The following OR2L3 variants were observed in gnomAD, a reference collection of about 807,000 sequenced individuals.
The protein encoded by OR2L3 is olfactory receptor 2L3.
For synonymous variants in OR2L3, 131 were observed against 139.1 expected, an observed-to-expected ratio of 0.94 and a Z score of 0.41; for missense variants, 369 against 376.6, an observed-to-expected ratio of 0.98 and a Z score of 0.17.
intron 1 of OR2L3, among the ~76,000 whole-genome samples, chr1:248,047,589 T>G (rs2103106327): frequency 6.6e-6 from 1 of 152,314 alleles, no homozygotes; most frequent in South Asian, 2.1e-4. Context: ...ATCCAAATTG[T>G]AGTGTTTTGT....
intron 1 of OR2L3, among the ~76,000 whole-genome samples, chr1:248,049,739 T>C (rs1446212411): frequency 6.6e-6 from 1 of 152,176 alleles, no homozygotes; most frequent in Non-Finnish European, 1.5e-5. Flanking sequence ...GTTTTAATAA[T>C]TTTTTTCTAT....
At chr1:248,056,237 A>G (rs1663429668) in intron 1 of OR2L3, among the ~76,000 whole-genome samples, 1 of 151,986 alleles carries the variant, frequency 6.6e-6, no homozygotes, top group Non-Finnish European at 1.5e-5. Flanking sequence ...TTAGTTACAT[A>G]TGTATACATG....
chr1:248,051,549 T>A (rs1344695181), intron 1 of OR2L3, among the ~76,000 whole-genome samples: 1 of 152,076 alleles, frequency 6.6e-6, no homozygotes, highest in East Asian at 1.9e-4. Context: ...CACATGGACA[T>A]AAAGATGGGA....
rs772884502 is a variant in OR2L3 at position 248,060,672 on chromosome 1, C to G, written c.-10C>G. Reference sequence around the variant, plus strand: ...GTGTCTCCCTTCAGGAAAGAGCACACGAATGCCCCATGGAAAATTACAATC... The same window carrying G: ...GTGTCTCCCTTCAGGAAAGAGCACAGGAATGCCCCATGGAAAATTACAATC... On this transcript the variant is annotated 5_prime_UTR_variant, in exon 2 of 2. Coordinates refer to ENST00000359959, the MANE Select transcript of OR2L3 (RefSeq NM_001004687.2). The G allele has an allele frequency of 3.1e-6, 5 of 1,601,956 alleles. No individual in the cohort carries two copies. The highest frequency in any genetic ancestry group is 4.3e-6 in the Non-Finnish European group (5 of 1,171,744).
chr1:248,061,636 A>G lies in OR2L3; in HGVS notation c.*16A>G, dbSNP rs777478674. 3 of 1,600,950 alleles carry G rather than the reference A, an allele frequency of 1.9e-6. No individual in the cohort carries two copies. Among genetic ancestry groups the G allele is most frequent in the Non-Finnish European group, 2.6e-6 (3 of 1,172,764 alleles). On this transcript the variant is annotated 3_prime_UTR_variant, in exon 2 of 2. Coordinates refer to ENST00000359959, the MANE Select transcript of OR2L3 (RefSeq NM_001004687.2). Reference sequence around the variant, plus strand: ...GAAAATGTAGAAACATTTTCTACCTAAGGTCTCAGGACTCAGATACACATC... The same window carrying G: ...GAAAATGTAGAAACATTTTCTACCTGAGGTCTCAGGACTCAGATACACATC...
At chr1:248,058,635 T>G (rs1265421934) in intron 1 of OR2L3, among the ~76,000 whole-genome samples, 4 of 152,104 alleles carry the variant, frequency 2.6e-5, no homozygotes, top group Non-Finnish European at 5.9e-5. Context: ...TCCGAGGAAA[T>G]AGAATTTTTA....
chr1:248,051,201 A>G (rs1347003207), intron 1 of OR2L3: 2 of 151,960 alleles, frequency 1.3e-5, no homozygotes, highest in African/African-American at 4.8e-5. Context: ...CCACCATTCC[A>G]CTTTCCATCT....
chr1:248,047,311 T>C (rs1393153879), intron 1 of OR2L3, among the ~76,000 whole-genome samples: 1 of 152,002 alleles, frequency 6.6e-6, no homozygotes, highest in African/African-American at 2.4e-5. Flanking sequence ...ATTATAATCT[T>C]ATTGCTACTT....
At chr1:248,053,596 A>G (rs1317508783) in intron 1 of OR2L3, among the ~76,000 whole-genome samples, 1 of 152,106 alleles carries the variant, frequency 6.6e-6, no homozygotes, top group African/African-American at 2.4e-5. Context: ...TCCTATTCCT[A>G]TTTCACAGCC....
chr1:248,047,702 T>A (rs1412133757), intron 1 of OR2L3, among the ~76,000 whole-genome samples: 3 of 152,200 alleles, frequency 2.0e-5, no homozygotes, highest in Non-Finnish European at 4.4e-5. Flanking sequence ...CAGAGTTTTG[T>A]GAGAAGCAAA....
intron 1 of OR2L3, among the ~76,000 whole-genome samples, chr1:248,048,773 A>T (rs938754978): frequency 6.6e-6 from 1 of 152,122 alleles, no homozygotes; most frequent in Non-Finnish European, 1.5e-5. Context: ...GCTTCAGAAG[A>T]CAGGAAGTAA....
chr1:248,053,465 C>T (rs910534989), intron 1 of OR2L3, among the ~76,000 whole-genome samples: 3 of 152,170 alleles, frequency 2.0e-5, no homozygotes, highest in East Asian at 1.9e-4. Flanking sequence ...TTTGGGTATA[C>T]ACCCAGTAAC....
chr1:248,057,344 A>G (rs1157233816), intron 1 of OR2L3, among the ~76,000 whole-genome samples: 1 of 152,094 alleles, frequency 6.6e-6, no homozygotes, highest in Non-Finnish European at 1.5e-5. Context: ...AAATATTTAC[A>G]ATGGTTAGAA....
Position 248,060,902 on chromosome 1 carries a change from C to T in OR2L3, c.221C>T (p.Ser74Phe). ...QLSLIDLNYI[S>F]TIVPKMASDF... ...TCCCTCATTGACCTAAATTACATCT[C>T]CACCATTGTTCCTAAGATGGCATCT... Residue 74 changes from serine to phenylalanine, a missense_variant, in exon 2 of 2, where the codon TCC (serine) becomes TTC (phenylalanine). By Grantham distance (155) the Ser-to-Phe change is radical (BLOSUM62 -2). Transcript: ENST00000359959. The T allele has an allele frequency of 6.2e-7, 1 of 1,613,940 alleles. No individual in the cohort carries two copies. Among genetic ancestry groups the T allele is most frequent in the Non-Finnish European group, 8.5e-7 (1 of 1,179,864 alleles).
rs139342603 is a variant in OR2L3, at chr1:248,050,349, A to G, written c.-22+3469A>G. Among the ~76,000 whole-genome samples the G allele has an allele frequency of 5.5e-3, 839 of 152,328 alleles. 9 individuals are homozygous for G. The highest frequency in any genetic ancestry group is 0.019 in the African/African-American group (807 of 41,572). ...AGCTAATTCTGTTAATACAAAAGTA[A>G]AAGGGCCAGAAATAATCCATTTGGA... is the stretch of plus-strand genomic sequence containing the variant. On this transcript the variant is annotated intron_variant, in intron 1 of 1. Transcript: ENST00000359959.
intron 1 of OR2L3, among the ~76,000 whole-genome samples, chr1:248,049,663 A>G (rs73143316): frequency 0.04 from 6,078 of 152,274 alleles, 392 homozygotes; most frequent in African/African-American, 0.14. Context: ...TTTAATCATT[A>G]AAAAATCCTA....
At position 248,061,477 on chromosome 1, in the gene OR2L3, T is replaced by C. The variant is rs1366321897; in HGVS notation, c.796T>C (p.Ser266Pro). The C allele has an allele frequency of 6.2e-7, 1 of 1,614,006 alleles. No individual in the cohort carries two copies. The highest frequency in any genetic ancestry group is 1.3e-5 in the African/African-American group (1 of 75,008). ...YTYLRPRSLR[S>P]PTEDKVLAVF... The stretch of plus-strand genomic sequence containing the variant: ...TTATCTACGTCCAAGATCCCTGCGA[T>C]CTCCAACAGAGGACAAGGTTCTGGC... The change falls in exon 2 of 2, where the codon TCT becomes CCT. Residue 266 changes from serine (S) to proline (P), a missense_variant. Transcript: ENST00000359959.
At chr1:248,060,395 G>A (rs1234602454) in intron 1 of OR2L3, among the ~76,000 whole-genome samples, 1 of 152,186 alleles carries the variant, frequency 6.6e-6, no homozygotes, top group Admixed American at 6.6e-5. Context: ...CATTTTGAGA[G>A]AGAAAGATAG....
rs1359092970 is a variant in OR2L3, at chr1:248,061,294, T to C, written c.613T>C (p.Phe205Leu). 1 of 1,611,644 alleles carries C rather than the reference T, an allele frequency of 6.2e-7. No homozygotes were observed. Among genetic ancestry groups the C allele is most frequent in the Non-Finnish European group, 8.5e-7 (1 of 1,179,034 alleles). ...EGTVFLSTTI[F>L]LVFPFIAISC... The stretch of plus-strand genomic sequence containing the variant: ...CACAGTGTTTTTGAGCACCACCATC[T>C]TTCTCGTGTTTCCCTTCATTGCTAT... Residue 205 changes from phenylalanine to leucine, a missense_variant, in exon 2 of 2, where the codon TTT becomes CTT. Coordinates refer to ENST00000359959, the MANE Select transcript of OR2L3 (RefSeq NM_001004687.2).
Sources: allele counts gnomAD v4.1 joint callset (sites outside exome capture counted in the v4.1 genomes callset), GRCh38; gene constraint gnomAD v4.1.1; transcripts MANE v1.5; gene names NCBI Gene and HGNC (gene_info 2026-07-23, HGNC 2026-07-21).